The following SLC7A5 variants were observed in gnomAD, a reference collection of about 807,000 sequenced individuals.
SLC7A5 encodes large neutral amino acids transporter small subunit 1.
Under a neutral mutation model 50.2 loss-of-function variants are expected in SLC7A5, and 23 were observed. The observed-to-expected ratio is 0.46, with a 90% CI of 0.33 to 0.65. The LOEUF (loss-of-function observed/expected upper bound fraction) is 0.65. Ranked by LOEUF, SLC7A5 falls within the 30% of genes least tolerant of loss-of-function variation. The pLI, the probability that SLC7A5 is intolerant of heterozygous loss-of-function variation, is 0.02. For missense variants in SLC7A5, 578 were observed against 684.4 expected, an observed-to-expected ratio of 0.84 and a Z score of 1.73; for synonymous variants, 393 against 330.6, an observed-to-expected ratio of 1.19 and a Z score of -2.05.
intron 2 of SLC7A5, among the ~76,000 whole-genome samples, chr16:87,845,517 C>T (rs2055141717): frequency 9.8e-6 from 1 of 102,552 alleles, no homozygotes; most frequent in South Asian, 4.0e-4. Flanking sequence ...CATGCCCACT[C>T]CAGGCAGAGT....
intron 2 of SLC7A5, among the ~76,000 whole-genome samples, chr16:87,845,051 G>A (rs1315576107): frequency 6.6e-6 from 1 of 152,224 alleles, no homozygotes; most frequent in East Asian, 1.9e-4. Context: ...GCCACGGGCA[G>A]CTGGAAGGGG....
chr16:87,854,699 C>T (rs1284061505), intron 1 of SLC7A5, among the ~76,000 whole-genome samples: 2 of 152,374 alleles, frequency 1.3e-5, no homozygotes, highest in East Asian at 1.9e-4. Context: ...AAAACCCGTC[C>T]GGGGATACCC....
chr16:87,861,231 C>A lies in SLC7A5; in HGVS notation c.538+7654G>T, dbSNP rs549978370. Among the ~76,000 whole-genome samples the A allele has an allele frequency of 1.3e-5, 2 of 152,142 alleles. No individual in the cohort carries two copies. Among genetic ancestry groups the A allele is most frequent in the Admixed American group, 6.5e-5 (1 of 15,284 alleles). On this transcript the variant is annotated intron_variant, in intron 1 of 9. Coordinates refer to ENST00000261622, the MANE Select transcript of SLC7A5 (RefSeq NM_003486.7). The surrounding 1 kb of genome is among the most constrained non-coding windows in gnomAD (Gnocchi z 4.2). ...CAGAACCCTGTGGCTGTCCAGGGTA[C>A]CTGGATGTGAGTCTGGGAAGGATGG...
intron 1 of SLC7A5, among the ~76,000 whole-genome samples, chr16:87,859,423 C>T (rs1000608372): frequency 6.6e-6 from 1 of 152,200 alleles, no homozygotes; most frequent in African/African-American, 2.4e-5. Context: ...GCCCCGGGGT[C>T]ACCATGGCCT....
Position 87,869,018 on chromosome 16 carries a change from G to T in SLC7A5, c.405C>A (p.Ile135=), listed in dbSNP as rs780628136. Residue 135 remains isoleucine (I), a synonymous_variant, in exon 1 of 10, where the codon ATC becomes ATA. Coordinates refer to ENST00000261622, the MANE Select transcript of SLC7A5 (RefSeq NM_003486.7). ...GSLPAFLKLW[I]ELLIIRPSSQ... ...ATGAAGGCCGGATGATGAGCAGCTC[G>T]ATCCAGAGCTTGAGGAAGGCGGGCA... 12 of 1,611,686 alleles carry T rather than the reference G, an allele frequency of 7.4e-6. No individual in the cohort carries two copies. Among genetic ancestry groups the T allele is most frequent in the Middle Eastern group, 2.2e-4 (1 of 4,464 alleles).
chr16:87,833,837 G>C lies in SLC7A5; in HGVS notation c.1468+577C>G, dbSNP rs1355936235. 1.3e-5 allele frequency among the ~76,000 whole-genome samples: 2 copies of C among 150,170 alleles called. No homozygotes were observed. The highest frequency in any genetic ancestry group is 2.5e-5 in the African/African-American group (1 of 40,298). ...GGCTGCCGCTGCACACAGGGCCGGG[G>C]GGCGGGTTTCTCCTTCTGCCTTTTT... On this transcript the variant is annotated intron_variant, in intron 9 of 9. Coordinates refer to ENST00000261622, the MANE Select transcript of SLC7A5 (RefSeq NM_003486.7). The surrounding 1 kb of genome is among the most constrained non-coding windows in gnomAD (Gnocchi z 6.0).
In SLC7A5 at chr16:87,869,497, C is replaced by CT; in HGVS notation, c.-76_-75insA. ...AGCAGTGTGCGCGCCGCCCGCCGCC[C>CT]GCAGCTGCGTCAGGAACCCCGCCCG... On this transcript the variant is annotated 5_prime_UTR_variant, in exon 1 of 10. Transcript: ENST00000261622. 1 of 1,108,920 alleles carries CT rather than the reference C, an allele frequency of 9.0e-7. No individual in the cohort carries two copies. The highest frequency in any genetic ancestry group is 1.1e-6 in the Non-Finnish European group (1 of 902,432). The allele number at this position is 1,108,920 out of a possible 1,614,324, so 68.7% of individuals were successfully genotyped here.
intron 1 of SLC7A5, among the ~76,000 whole-genome samples, chr16:87,868,289 C>T (rs1176643932): frequency 2.6e-5 from 4 of 152,138 alleles, no homozygotes; most frequent in Non-Finnish European, 4.4e-5. Flanking sequence ...CAGACTGAAT[C>T]TGCAGCCAAG....
chr16:87,855,770 AGGTGGGACCTGTGGGCCCCGGCT>A (rs1262821054), intron 1 of SLC7A5, among the ~76,000 whole-genome samples: 1 of 152,030 alleles, frequency 6.6e-6, no homozygotes, highest in Non-Finnish European at 1.5e-5. Flanking sequence ...TATGGAGAGC[AGGTGGGACCTGTGGGCCCCGGCT>A]GGGTGGGGAC....
rs7187666 is a variant in SLC7A5, at chr16:87,860,767, G to A, written c.538+8118C>T. Among the ~76,000 whole-genome samples, 3,920 of 152,270 alleles carry A rather than the reference G, an allele frequency of 0.026. 171 individuals carry two copies. The highest frequency in any genetic ancestry group is 0.089 in the African/African-American group (3,692 of 41,534). ...CTCAGCAGGGATCGAGTTTGCGGGC[G>A]TCACGCTCCAAGGCCCAGAATAGGA... On this transcript the variant is annotated intron_variant, in intron 1 of 9. Coordinates refer to ENST00000261622, the MANE Select transcript of SLC7A5 (RefSeq NM_003486.7). This position sits in a 1 kb window ranked among gnomAD's most constrained non-coding sequence, Gnocchi z 4.8.
intron 8 of SLC7A5, among the ~76,000 whole-genome samples, 193 bp downstream of exon 8, chr16:87,836,305 C>T (rs1006852627): frequency 1.3e-5 from 2 of 152,278 alleles, no homozygotes; most frequent in African/African-American, 4.8e-5. Flanking sequence ...GGAACCCCGG[C>T]TCCTGCAGTC....
At chr16:87,846,067 G>A (rs1209705225) in intron 2 of SLC7A5, among the ~76,000 whole-genome samples, 1 of 152,228 alleles carries the variant, frequency 6.6e-6, no homozygotes, top group Non-Finnish European at 1.5e-5. Flanking sequence ...AGGTCTTCGA[G>A]GCCCAAAAGA....
intron 1 of SLC7A5, among the ~76,000 whole-genome samples, chr16:87,857,247 A>C (rs1049759973): frequency 6.6e-6 from 1 of 151,768 alleles, no homozygotes; most frequent in Non-Finnish European, 1.5e-5. Context: ...TTTGAGACGA[A>C]GTCTCGCTCT....
chr16:87,843,875 G>A (rs559573086), intron 2 of SLC7A5, among the ~76,000 whole-genome samples: 62 of 152,298 alleles, frequency 4.1e-4, no homozygotes, highest in African/African-American at 1.4e-3. Flanking sequence ...CCTGCCGGGA[G>A]GACAGGACCA....
chr16:87,855,353 G>A (rs1264545781), intron 1 of SLC7A5, among the ~76,000 whole-genome samples: 1 of 152,090 alleles, frequency 6.6e-6, no homozygotes, highest in Non-Finnish European at 1.5e-5. Flanking sequence ...CACCTGAACA[G>A]GGAGGGCCCA....
intron 2 of SLC7A5, among the ~76,000 whole-genome samples, chr16:87,848,335 C>G (rs1035183228): frequency 1.3e-5 from 2 of 152,250 alleles, no homozygotes; most frequent in African/African-American, 4.8e-5. Context: ...CCAGGAGGGA[C>G]GTGCTGCTGC....
At chr16:87,851,140 T>C (rs1013341153) in intron 2 of SLC7A5, among the ~76,000 whole-genome samples, 6 of 151,686 alleles carry the variant, frequency 4.0e-5, no homozygotes, top group African/African-American at 1.4e-4. Flanking sequence ...TGTTCCCGAA[T>C]GCTAACAGTG....
chr16:87,860,341 T>TACACACACACACACAC lies in SLC7A5; in HGVS notation c.539-8508_539-8493dup, dbSNP rs370835904. On this transcript the variant is annotated intron_variant, in intron 1 of 9. Coordinates refer to ENST00000261622, the MANE Select transcript of SLC7A5 (RefSeq NM_003486.7). The surrounding 1 kb of genome is among the most constrained non-coding windows in gnomAD (Gnocchi z 4.8). Reference sequence around the variant, plus strand: ...AAAGCATCTCAAAAAAAAAAAAAAATACACACACACACACACACACACACA... The same window carrying TACACACACACACACAC: ...AAAGCATCTCAAAAAAAAAAAAAAATACACACACACACACACACACACACACACACACACACACACA... Among the ~76,000 whole-genome samples, 1 of 86,200 alleles carries TACACACACACACACAC rather than the reference T, an allele frequency of 1.2e-5. No individual in the cohort carries two copies. Among genetic ancestry groups the TACACACACACACACAC allele is most frequent in the East Asian group, 3.5e-4 (1 of 2,828 alleles). The allele number at this position is 86,200 out of a possible 152,430, so 56.6% of individuals were successfully genotyped here. A position where few individuals can be genotyped will look rare whatever the true frequency, so the allele number is the denominator to read the frequency against.
intron 2 of SLC7A5, among the ~76,000 whole-genome samples, chr16:87,842,270 C>A (rs2055091181): frequency 1.3e-5 from 2 of 152,208 alleles, no homozygotes; most frequent in South Asian, 4.1e-4. Context: ...AAGTCACCAG[C>A]CCGTCTCACA....
Sources: gnomAD v4.1 joint callset for allele counts (sites outside exome capture counted in the v4.1 genomes callset) on GRCh38, gnomAD v4.1.1 for gene constraint, Gnocchi (gnomAD v3.1) non-coding constraint, MANE v1.5 for transcripts, NCBI Gene and HGNC (gene_info 2026-07-23, HGNC 2026-07-21) for gene names.